Variants in SCHIP1 observed in about 807,000 individuals in gnomAD.
The protein encoded by SCHIP1 is schwannomin interacting protein 1.
In SCHIP1, 8 loss-of-function variants were observed where a neutral mutation model predicts 29.7. The ratio of observed to expected loss-of-function variants is 0.27; its 90% CI spans 0.16 to 0.49. The LOEUF is 0.49. Among genes scored for constraint, SCHIP1 ranks in the 20% least tolerant of loss-of-function variants. The probability of loss-of-function intolerance (pLI) is 0.99; values close to 1 mark genes in which losing one functional copy is unlikely to be tolerated. For missense variants in SCHIP1, 193 were observed against 294.6 expected, an observed-to-expected ratio of 0.66 and a Z score of 2.52; for synonymous variants, 76 against 94.9, an observed-to-expected ratio of 0.80 and a Z score of 1.16.
At chr3:159,395,539 C>A in the SCHIP1 span, among the ~76,000 whole-genome samples, 2 of 151,758 alleles carry the variant, frequency 1.3e-5, no homozygotes, top group East Asian at 3.9e-4. Context: ...TCGTTGGTTT[C>A]AAAGAACATC....
At chr3:159,674,143 A>G in the SCHIP1 span, among the ~76,000 whole-genome samples, 2 of 152,234 alleles carry the variant, frequency 1.3e-5, no homozygotes, top group Non-Finnish European at 2.9e-5. Flanking sequence ...CGCTCCATTT[A>G]TCCCACAAAC....
upstream of SCHIP1, among the ~76,000 whole-genome samples, chr3:159,836,009 A>G (rs1050136949): frequency 1.2e-4 from 18 of 152,300 alleles, no homozygotes; most frequent in Non-Finnish European, 2.1e-4. Flanking sequence ...CCTTGAATTG[A>G]GTTTTAGGTA....
At chr3:159,520,333 G>C in the SCHIP1 span, among the ~76,000 whole-genome samples, 8 of 152,200 alleles carry the variant, frequency 5.3e-5, no homozygotes, top group Admixed American at 5.2e-4. Flanking sequence ...GGGCAGATGA[G>C]CAGCAATGAC....
chr3:159,473,944 C>T, the SCHIP1 span, among the ~76,000 whole-genome samples: 1 of 151,826 alleles, frequency 6.6e-6, no homozygotes, highest in East Asian at 1.9e-4. Flanking sequence ...TTTCTCCCAC[C>T]CCAATTGTCT....
chr3:159,311,279 A>G, the SCHIP1 span, among the ~76,000 whole-genome samples: 3 of 152,160 alleles, frequency 2.0e-5, no homozygotes, highest in Non-Finnish European at 4.4e-5. Context: ...TTTGCAATTA[A>G]TGATGCAGAA....
chr3:159,886,841 A>G (rs1717011429), intron 3 of SCHIP1: 1 of 161,784 alleles, frequency 6.2e-6, no homozygotes, highest in Non-Finnish European at 1.3e-5. Context: ...AAAGAGGTTT[A>G]ATGGACTTAC....
At chr3:159,860,848 G>A (rs1184702359) in intron 1 of SCHIP1, among the ~76,000 whole-genome samples, 1 of 152,130 alleles carries the variant, frequency 6.6e-6, no homozygotes, top group African/African-American at 2.4e-5. Context: ...CCCTAGGCCA[G>A]GTTTCCTTAA....
upstream of SCHIP1, among the ~76,000 whole-genome samples, chr3:159,834,891 A>G (rs569720300): frequency 2.1e-4 from 32 of 152,324 alleles, 1 homozygote; most frequent in South Asian, 5.0e-3. Context: ...CATTATGCAT[A>G]TGCAGATATT....
the SCHIP1 span, among the ~76,000 whole-genome samples, chr3:159,464,330 G>A: frequency 2.0e-5 from 3 of 152,130 alleles, no homozygotes; most frequent in African/African-American, 7.2e-5. Flanking sequence ...TGAGCTCTTG[G>A]CCAACAAGTT....
the SCHIP1 span, among the ~76,000 whole-genome samples, chr3:159,332,627 A>G: frequency 1.3e-5 from 2 of 152,280 alleles, no homozygotes; most frequent in Admixed American, 6.5e-5. Flanking sequence ...AGAAGAGCCT[A>G]TGACTTTCTA....
the SCHIP1 span, among the ~76,000 whole-genome samples, chr3:159,715,297 C>A: frequency 6.6e-6 from 1 of 152,162 alleles, no homozygotes; most frequent in Non-Finnish European, 1.5e-5. Flanking sequence ...TGGGGAGAAA[C>A]CAGAGCAGAA....
the SCHIP1 span, among the ~76,000 whole-genome samples, chr3:159,392,537 C>T: frequency 2.6e-5 from 4 of 151,226 alleles, no homozygotes; most frequent in Non-Finnish European, 4.4e-5. Context: ...CAGTTCCCAC[C>T]TATGAGTGAG....
chr3:159,636,486 A>G, the SCHIP1 span, among the ~76,000 whole-genome samples: 2 of 152,250 alleles, frequency 1.3e-5, no homozygotes, highest in African/African-American at 4.8e-5. Context: ...GGAAGAAATT[A>G]GACTTTTTTA....
the SCHIP1 span, among the ~76,000 whole-genome samples, chr3:159,680,550 A>G: frequency 8.5e-6 from 1 of 118,060 alleles, no homozygotes; most frequent in Non-Finnish European, 1.7e-5. Flanking sequence ...ATGTATATAT[A>G]TAATATATAT....
At chr3:159,338,603 G>T in the SCHIP1 span, among the ~76,000 whole-genome samples, 1 of 152,132 alleles carries the variant, frequency 6.6e-6, no homozygotes, top group Admixed American at 6.6e-5. Flanking sequence ...TCTATGCAGT[G>T]CATAGACTTG....
the SCHIP1 span, among the ~76,000 whole-genome samples, chr3:159,694,594 AAGAAAG>A: frequency 2.0e-5 from 3 of 146,768 alleles, no homozygotes; most frequent in African/African-American, 5.1e-5. Context: ...GAAAGAAAGA[AAGAAAG>A]AAAGAAAGGA....
At chr3:159,573,048 G>A in the SCHIP1 span, among the ~76,000 whole-genome samples, 1 of 151,726 alleles carries the variant, frequency 6.6e-6, no homozygotes, top group Non-Finnish European at 1.5e-5. Flanking sequence ...CACACTGATG[G>A]TCTTGACTCT....
At chr3:159,640,226 C>T in the SCHIP1 span, among the ~76,000 whole-genome samples, 7 of 152,150 alleles carry the variant, frequency 4.6e-5, no homozygotes, top group African/African-American at 1.7e-4. Flanking sequence ...CCCGTCTGCT[C>T]TTCCAGCATA....
chr3:159,314,143 A>G, the SCHIP1 span, among the ~76,000 whole-genome samples: 2 of 152,180 alleles, frequency 1.3e-5, no homozygotes, highest in Non-Finnish European at 2.9e-5. Context: ...CTTGCATTTT[A>G]TCTTTCACTG....
Sources: gnomAD v4.1 joint callset for allele counts (sites outside exome capture counted in the v4.1 genomes callset) on GRCh38, gnomAD v4.1.1 for gene constraint, MANE v1.5 for transcripts, NCBI Gene and HGNC (gene_info 2026-07-23, HGNC 2026-07-21) for gene names.